Variants in CEP162 observed in about 807,000 individuals in gnomAD.
The protein encoded by CEP162 is centrosomal protein 162.
In CEP162, 141 loss-of-function variants were observed where a neutral mutation model predicts 169.2. That is an observed-to-expected ratio of 0.83 (90% CI 0.73 to 0.96). CEP162 has a LOEUF of 0.96. Among genes scored for constraint, CEP162 ranks in the 40% least tolerant of loss-of-function variants. The pLI, the probability that CEP162 is intolerant of heterozygous loss-of-function variation, is 0.00. For missense variants in CEP162, 1,600 were observed against 1,587.2 expected, an observed-to-expected ratio of 1.01 and a Z score of -0.14; for synonymous variants, 540 against 526.4, an observed-to-expected ratio of 1.03 and a Z score of -0.35.
chr6:84,203,472 G>T (rs2099545477), intron 7 of CEP162, among the ~76,000 whole-genome samples: 1 of 152,048 alleles, frequency 6.6e-6, no homozygotes, highest in African/African-American at 2.4e-5. Context: ...TTGAGACAGG[G>T]TCTCACTCAT....
chr6:84,193,813 C>A, intron 10 of CEP162, 123 bp from the exon 11 acceptor site: 1 of 512,588 alleles, frequency 2.0e-6, no homozygotes, highest in South Asian at 2.9e-5. Context: ...TGCAATAAAC[C>A]TAGTTTTCCG....
rs774025663 is a variant in CEP162, at chr6:84,186,498, T to C, written c.1235A>G (p.Asn412Ser). Residue 412 changes from asparagine to serine, a missense_variant, in exon 12 of 27, where the codon AAT becomes AGT. Coordinates refer to ENST00000403245, the MANE Select transcript of CEP162 (RefSeq NM_014895.4). ...ATTTGTGGTCTTTTGTAAAATCACA[T>C]TCTCATCATTTTTGTCAAAAAAAAG... Reference protein sequence around the residue: ...VNLFFDKNDENVILQKTTNES... With the variant: ...VNLFFDKNDESVILQKTTNES... 1.2e-6 allele frequency: 2 copies of C among 1,613,378 alleles called. No individual in the cohort carries two copies. Among genetic ancestry groups the C allele is most frequent in the Non-Finnish European group, 1.7e-6 (2 of 1,179,498 alleles).
chr6:84,173,827 G>A (rs1453417542), intron 16 of CEP162, among the ~76,000 whole-genome samples: 2 of 151,832 alleles, frequency 1.3e-5, no homozygotes, highest in South Asian at 2.1e-4. Flanking sequence ...GGGATGACAG[G>A]TGTGCGCCAC....
intron 11 of CEP162, among the ~76,000 whole-genome samples, chr6:84,188,687 A>G (rs2127717016): frequency 6.6e-6 from 1 of 152,256 alleles, no homozygotes; most frequent in South Asian, 2.1e-4. Context: ...CAGTGCTGCA[A>G]TGAACATATG....
chr6:84,163,677 C>T (rs1446443027), intron 18 of CEP162, among the ~76,000 whole-genome samples: 1 of 151,810 alleles, frequency 6.6e-6, no homozygotes, highest in East Asian at 1.9e-4. Flanking sequence ...ACCAAAAACT[C>T]TCTGCTGGCC....
chr6:84,175,137 T>C (rs1295065567), intron 14 of CEP162, 77 bp downstream of exon 14: 9 of 1,026,740 alleles, frequency 8.8e-6, no homozygotes, highest in Non-Finnish European at 1.2e-5. Context: ...GTCCTTATTA[T>C]ATTTTGTTAT....
At chr6:84,193,934 C>A (rs118190530) in intron 10 of CEP162, among the ~76,000 whole-genome samples, 1 of 152,082 alleles carries the variant, frequency 6.6e-6, no homozygotes, top group Non-Finnish European at 1.5e-5. Context: ...CATACACACA[C>A]GCTAAGTACA....
chr6:84,156,952 A>C (rs1217320842), intron 21 of CEP162, among the ~76,000 whole-genome samples: 1 of 152,102 alleles, frequency 6.6e-6, no homozygotes, highest in Admixed American at 6.6e-5. Context: ...CAGACACTGG[A>C]GACTACAAAA....
In CEP162 at chr6:84,201,781, G is replaced by A. The variant is rs1446432568; in HGVS notation, c.688-14C>T. On this transcript the variant is annotated splice_polypyrimidine_tract_variant and intron_variant, in intron 7 of 26. Transcript: ENST00000403245. Reference sequence around the variant, plus strand: ...TTTTTCTTCTTCCTAAATTAAAAAAGGAAAATGATGATATGTTTTGAAACC... The same window carrying A: ...TTTTTCTTCTTCCTAAATTAAAAAAAGAAAATGATGATATGTTTTGAAACC... 2 of 1,271,200 alleles carry A rather than the reference G, an allele frequency of 1.6e-6. No homozygotes were observed. Among genetic ancestry groups the A allele is most frequent in the Non-Finnish European group, 2.2e-6 (2 of 909,146 alleles). 78.7% of individuals were successfully genotyped at this position (1,271,200 alleles called of 1,614,324 possible).
intron 16 of CEP162, among the ~76,000 whole-genome samples, chr6:84,172,484 G>T (rs143122601): frequency 6.6e-6 from 1 of 152,304 alleles, no homozygotes; most frequent in East Asian, 1.9e-4. Flanking sequence ...CTGGAATAGT[G>T]CCTGGCGACA....
At chr6:84,131,985 G>A (rs1015512199) in intron 25 of CEP162, among the ~76,000 whole-genome samples, 5 of 152,166 alleles carry the variant, frequency 3.3e-5, no homozygotes, top group Admixed American at 2.6e-4. Context: ...GGTACCAGTC[G>A]TTCCTTTCCA....
intron 26 of CEP162, 63 bp from the exon 27 acceptor site, chr6:84,125,339 C>T (rs2099508494): frequency 1.4e-6 from 2 of 1,464,982 alleles, no homozygotes; most frequent in East Asian, 2.3e-5. Context: ...GAACATTTAA[C>T]AATCTTAAAG....
At position 84,161,922 on chromosome 6, in the gene CEP162, G is replaced by A; in HGVS notation, c.2513-13C>T. 6.9e-7 allele frequency: 1 copy of A among 1,443,102 alleles called. No homozygotes were observed. The allele number at this position is 1,443,102 out of a possible 1,614,324, so 89.4% of individuals were successfully genotyped here. On this transcript the variant is annotated splice_polypyrimidine_tract_variant and intron_variant, in intron 19 of 26. Coordinates refer to ENST00000403245, the MANE Select transcript of CEP162 (RefSeq NM_014895.4). ...TATAATTTCTCACCTATAAGATACA[G>A]TAACTCAATAACCTGCTTGTTGTTC...
intron 25 of CEP162, among the ~76,000 whole-genome samples, chr6:84,141,191 G>A (rs2099516453): frequency 6.6e-6 from 1 of 152,096 alleles, no homozygotes; most frequent in South Asian, 2.1e-4. Flanking sequence ...GGGGACCCCT[G>A]GTCTAGAATC....
intron 20 of CEP162, 127 bp from the exon 21 acceptor site, chr6:84,161,043 C>A: frequency 1.5e-6 from 1 of 675,464 alleles, no homozygotes; most frequent in East Asian, 2.7e-5. Context: ...GGAATTAATT[C>A]CTCAAATTCT....
intron 6 of CEP162, among the ~76,000 whole-genome samples, chr6:84,208,407 T>C (rs558350268): frequency 6.6e-6 from 1 of 152,180 alleles, no homozygotes. Flanking sequence ...TTCAAAAAAC[T>C]GCATCACACT....
intron 22 of CEP162, among the ~76,000 whole-genome samples, chr6:84,154,312 A>ATATC (rs3837002): frequency 0.012 from 1,771 of 150,034 alleles, 33 homozygotes; most frequent in African/African-American, 0.032. Flanking sequence ...GTTATCAGGG[A>ATATC]TATCTATCTA....
intron 25 of CEP162, among the ~76,000 whole-genome samples, chr6:84,132,021 T>A (rs1483630093): frequency 6.6e-6 from 1 of 152,244 alleles, no homozygotes; most frequent in African/African-American, 2.4e-5. Context: ...TCAGGAGCTC[T>A]TGTAAGGCAT....
At chr6:84,215,948 A>T in intron 3 of CEP162, 26 bp from the exon 4 acceptor site, 1 of 1,500,000 alleles carries the variant, frequency 6.7e-7, no homozygotes. Flanking sequence ...AATACAGATG[A>T]AGATTTATGT....
Sources: allele counts gnomAD v4.1 joint callset (sites outside exome capture counted in the v4.1 genomes callset), GRCh38; gene constraint gnomAD v4.1.1; transcripts MANE v1.5; gene names NCBI Gene and HGNC (gene_info 2026-07-23, HGNC 2026-07-21).